The following FCHSD2 variants were observed in gnomAD, a reference collection of about 807,000 sequenced individuals.
The protein encoded by FCHSD2 is F-BAR and double SH3 domains protein 2.
FCHSD2 carries 38 observed loss-of-function variants against 108.1 expected under a neutral mutation model. That is an observed-to-expected ratio of 0.35 (90% CI 0.27 to 0.46). FCHSD2 has a LOEUF of 0.46. Among genes scored for constraint, FCHSD2 ranks in the 20% least tolerant of loss-of-function variants. The pLI is 1.00. For synonymous variants in FCHSD2, 279 were observed against 314.7 expected (o/e 0.89, Z 1.20); for missense variants, 751 against 897.8 (o/e 0.84, Z 2.09).
At chr11:73,049,176 A>G (rs1360412721) in intron 3 of FCHSD2, among the ~76,000 whole-genome samples, 2 of 152,212 alleles carry the variant, frequency 1.3e-5, no homozygotes, top group African/African-American at 2.4e-5. Context: ...CTTTAATGTG[A>G]TATCACTGTT....
intron 14 of FCHSD2, among the ~76,000 whole-genome samples, chr11:72,849,276 C>G (rs868407369): frequency 1.3e-5 from 2 of 152,236 alleles, no homozygotes; most frequent in African/African-American, 4.8e-5. Context: ...TATGGCTGGA[C>G]ATCGTCCTCG....
At chr11:73,047,677 C>A (rs1858800339) in intron 3 of FCHSD2, among the ~76,000 whole-genome samples, 1 of 152,130 alleles carries the variant, frequency 6.6e-6, no homozygotes, top group Non-Finnish European at 1.5e-5. Flanking sequence ...GGATTAGAAC[C>A]CCCTTCTCTT....
chr11:73,002,691 C>T (rs1344214765), intron 4 of FCHSD2, among the ~76,000 whole-genome samples: 1 of 151,676 alleles, frequency 6.6e-6, no homozygotes, highest in African/African-American at 2.4e-5. Context: ...AGTGTAACAC[C>T]CTCTTCTCTT....
intron 2 of FCHSD2, among the ~76,000 whole-genome samples, chr11:73,090,884 C>T (rs1490955574): frequency 1.3e-5 from 2 of 152,124 alleles, no homozygotes; most frequent in Non-Finnish European, 2.9e-5. Context: ...TTTTTCATCA[C>T]CCCAGAACAC....
chr11:73,054,788 C>T (rs932502889), intron 3 of FCHSD2, among the ~76,000 whole-genome samples: 7 of 152,142 alleles, frequency 4.6e-5, no homozygotes, highest in African/African-American at 1.4e-4. Flanking sequence ...TGATCCCCCC[C>T]ACCTCGGCCT....
At chr11:72,967,024 C>T (rs944804303) in intron 8 of FCHSD2, among the ~76,000 whole-genome samples, 8 of 151,928 alleles carry the variant, frequency 5.3e-5, no homozygotes, top group African/African-American at 1.9e-4. Flanking sequence ...CAGTGAAACC[C>T]CATCTCTACT....
chr11:72,936,926 T>C (rs1490634854), intron 8 of FCHSD2, among the ~76,000 whole-genome samples: 4 of 152,232 alleles, frequency 2.6e-5, no homozygotes, highest in Non-Finnish European at 5.9e-5. Flanking sequence ...ATGTATGGAC[T>C]TCCTTGGAGA....
At position 72,887,473 on chromosome 11, in the gene FCHSD2, T is replaced by C. The variant is rs375687642; in HGVS notation, c.1143A>G (p.Ala381=). The C allele has an allele frequency of 1.8e-4, 283 of 1,602,628 alleles. No individual in the cohort carries two copies. The highest frequency in any genetic ancestry group is 2.1e-4 in the Non-Finnish European group (250 of 1,174,022). ...CCACAATTAGCTGCCACCTTACCTCTGCTTTACGAATATTTTCTCTAGCTT... is the reference window on the plus strand; with the variant it reads ...CCACAATTAGCTGCCACCTTACCTCCGCTTTACGAATATTTTCTCTAGCTT... ...IDEARENIRK[A]EIIKLKAEAR... Residue 381 remains alanine (A), a synonymous_variant, in exon 12 of 20, where the codon GCA becomes GCG. Transcript: ENST00000409418.
rs139290743 is a variant in FCHSD2 at position 73,133,742 on chromosome 11, G to A, written c.119+6289C>T. Among the ~76,000 whole-genome samples, 667 of 144,008 alleles carry A rather than the reference G, an allele frequency of 4.6e-3. 8 individuals are homozygous for A. Among genetic ancestry groups the A allele is most frequent in the African/African-American group, 0.016 (628 of 38,644 alleles). The allele number at this position is 144,008 out of a possible 152,430, so 94.5% of individuals were successfully genotyped here. A position where few individuals can be genotyped will look rare whatever the true frequency, so the allele number is the denominator to read the frequency against. Reference sequence around the variant, plus strand: ...CAGGAGGCGGAGGTTACAACGAGCCGGCATCGCGCCACTGCACTCCAGTAT... The same window carrying A: ...CAGGAGGCGGAGGTTACAACGAGCCAGCATCGCGCCACTGCACTCCAGTAT... On this transcript the variant is annotated intron_variant, in intron 2 of 19. Coordinates refer to ENST00000409418, the MANE Select transcript of FCHSD2 (RefSeq NM_014824.3).
chr11:73,104,303 G>A (rs1341593884), intron 2 of FCHSD2, among the ~76,000 whole-genome samples: 2 of 152,252 alleles, frequency 1.3e-5, no homozygotes. Flanking sequence ...GTCTCACTCT[G>A]TTGCCCAGGC....
Position 72,838,539 on chromosome 11 carries a change from C to G in FCHSD2, c.*252G>C. ...ACTGTTAGGCATGAGGGCTGCCCCCCTCTTTGCTCCTAGGGTCCGCTAGGA... is the reference window on the plus strand; with the variant it reads ...ACTGTTAGGCATGAGGGCTGCCCCCGTCTTTGCTCCTAGGGTCCGCTAGGA... On this transcript the variant is annotated 3_prime_UTR_variant, in exon 20 of 20. Coordinates refer to ENST00000409418, the MANE Select transcript of FCHSD2 (RefSeq NM_014824.3). 1 of 535,052 alleles carries G rather than the reference C, an allele frequency of 1.9e-6. No individual in the cohort carries two copies. Among genetic ancestry groups the G allele is most frequent in the South Asian group, 2.1e-5 (1 of 47,052 alleles). 33.1% of individuals were successfully genotyped at this position (535,052 alleles called of 1,614,324 possible).
intron 3 of FCHSD2, among the ~76,000 whole-genome samples, chr11:73,031,737 A>G (rs1399625991): frequency 6.6e-6 from 1 of 152,192 alleles, no homozygotes; most frequent in Non-Finnish European, 1.5e-5. Flanking sequence ...CCGTTATTCT[A>G]TTTCTCACCA....
rs999473727 is a variant in FCHSD2 at position 73,036,866 on chromosome 11, A to C, written c.166-20981T>G. On this transcript the variant is annotated intron_variant, in intron 3 of 19. Transcript: ENST00000409418. Reference sequence around the variant, plus strand: ...CTGAGTACAATTTTCTGTAATACACATATTCTGCTTAATTGAAATTCAAAG... The same window carrying C: ...CTGAGTACAATTTTCTGTAATACACCTATTCTGCTTAATTGAAATTCAAAG... Among the ~76,000 whole-genome samples, 3 of 152,314 alleles carry C rather than the reference A, an allele frequency of 2.0e-5. No individual in the cohort carries two copies. In the East Asian group the frequency reaches 5.8e-4, roughly 29 times the overall value.
chr11:72,882,388 G>T (rs963819541), intron 12 of FCHSD2, among the ~76,000 whole-genome samples: 7 of 152,132 alleles, frequency 4.6e-5, no homozygotes, highest in African/African-American at 1.7e-4. Flanking sequence ...TAGAATGATG[G>T]TTATCAGAAG....
chr11:73,077,387 C>T (rs560433670), intron 3 of FCHSD2, among the ~76,000 whole-genome samples: 13 of 152,028 alleles, frequency 8.6e-5, no homozygotes, highest in African/African-American at 3.1e-4. Context: ...ATCACAATAT[C>T]AAAAATTAAG....
chr11:72,906,274 T>C (rs547476261), intron 9 of FCHSD2, among the ~76,000 whole-genome samples: 1 of 152,184 alleles, frequency 6.6e-6, no homozygotes, highest in Non-Finnish European at 1.5e-5. Context: ...TTTGATGGCG[T>C]TGTTTTTTTC....
At chr11:72,991,704 TCAA>T (rs1857418955) in intron 5 of FCHSD2, among the ~76,000 whole-genome samples, 1 of 152,274 alleles carries the variant, frequency 6.6e-6, no homozygotes, top group East Asian at 1.9e-4. Context: ...TTGACAAAAT[TCAA>T]CAACGCTTCA....
At chr11:72,984,345 T>C in intron 7 of FCHSD2, 129 bp from the exon 8 acceptor site, 4 of 710,440 alleles carry the variant, frequency 5.6e-6, no homozygotes, top group South Asian at 5.5e-5. Flanking sequence ...GCGGAAAACA[T>C]TTATACGTAT....
intron 8 of FCHSD2, chr11:72,940,498 A>G (rs1252479580): frequency 9.2e-6 from 7 of 763,430 alleles, no homozygotes; most frequent in Non-Finnish European, 1.6e-5. Context: ...GTAAGCCAAG[A>G]TGGGTGCATA....
Sources: allele counts gnomAD v4.1 joint callset (sites outside exome capture counted in the v4.1 genomes callset), GRCh38; gene constraint gnomAD v4.1.1; transcripts MANE v1.5; gene names NCBI Gene and HGNC (gene_info 2026-07-23, HGNC 2026-07-21).